The following TOX3 variants were observed in gnomAD, a reference collection of about 807,000 sequenced individuals.
TOX3 encodes TOX high mobility group box family member 3.
In TOX3, 22 loss-of-function variants were observed where a neutral mutation model predicts 64.3. The ratio of observed to expected loss-of-function variants is 0.34; its 90% CI spans 0.24 to 0.49. TOX3 has a LOEUF of 0.49. TOX3 is among the 20% of genes least tolerant of loss of function. The pLI is 0.99. For synonymous variants in TOX3, 291 were observed against 273.6 expected, an observed-to-expected ratio of 1.06 and a Z score of -0.63; for missense variants, 661 against 714.4, an observed-to-expected ratio of 0.93 and a Z score of 0.85.
At chr16:52,477,724 A>G (rs1172108026) in intron 1 of TOX3, among the ~76,000 whole-genome samples, 2 of 152,184 alleles carry the variant, frequency 1.3e-5, no homozygotes, top group African/African-American at 4.8e-5. Context: ...TTTACTCTCC[A>G]TGTGTTTCAA....
intron 1 of TOX3, among the ~76,000 whole-genome samples, chr16:52,498,757 C>A (rs956936755): frequency 6.6e-6 from 1 of 152,234 alleles, no homozygotes; most frequent in South Asian, 2.1e-4. Context: ...CAGGATAAAA[C>A]TGGTCCGTGC....
rs1555486746 is a variant in TOX3, at chr16:52,510,778, A to AG, written c.87+35858_87+35859insC. Among the ~76,000 whole-genome samples, 804 of 115,014 alleles carry AG rather than the reference A, an allele frequency of 7.0e-3. 3 individuals carry two copies. Among genetic ancestry groups the AG allele is most frequent in the Middle Eastern group, 0.011 (2 of 180 alleles). 75.5% of individuals were successfully genotyped at this position (115,014 alleles called of 152,430 possible). ...CTGTCTCAAAAAAAAAAAAAAAAAA[A>AG]AAGAAGAAGAAGAAGAAGAAAAAGA... On this transcript the variant is annotated intron_variant, in intron 1 of 6. Transcript: ENST00000219746.
intron 1 of TOX3, among the ~76,000 whole-genome samples, chr16:52,516,072 A>G (rs182931209): frequency 1.8e-4 from 27 of 152,278 alleles, no homozygotes; most frequent in Admixed American, 6.5e-4. Context: ...CATATTACAG[A>G]ACTGAAGGAA....
At chr16:52,483,928 C>G (rs565493226) in intron 1 of TOX3, among the ~76,000 whole-genome samples, 1 of 152,014 alleles carries the variant, frequency 6.6e-6, no homozygotes, top group African/African-American at 2.4e-5. Context: ...AGTGGTAGAA[C>G]CTGAAGTTAG....
At chr16:52,500,060 A>G (rs189961932) in intron 1 of TOX3, among the ~76,000 whole-genome samples, 5 of 152,346 alleles carry the variant, frequency 3.3e-5, no homozygotes, top group Admixed American at 3.3e-4. Context: ...CTGCAGAGAC[A>G]GGGAGCTCTG....
intron 1 of TOX3, among the ~76,000 whole-genome samples, chr16:52,544,300 A>G (rs1368319075): frequency 6.6e-6 from 1 of 152,254 alleles, no homozygotes; most frequent in Non-Finnish European, 1.5e-5. Flanking sequence ...TTGCTGCTTT[A>G]TACCCATAAA....
chr16:52,489,043 A>T (rs1321910413), intron 1 of TOX3, among the ~76,000 whole-genome samples: 2 of 152,182 alleles, frequency 1.3e-5, no homozygotes, highest in African/African-American at 4.8e-5. Context: ...TTCTTTTGCA[A>T]CTATCACCCC....
chr16:52,448,710 G>A (rs1189596510), intron 4 of TOX3, among the ~76,000 whole-genome samples: 1 of 152,122 alleles, frequency 6.6e-6, no homozygotes, highest in Non-Finnish European at 1.5e-5. Flanking sequence ...CTTAGAAATA[G>A]ATGATGCTCA....
At position 52,464,080 on chromosome 16, in the gene TOX3, AG is replaced by A. The variant is rs1555481622; in HGVS notation, c.261del (p.Gln89LysfsTer64). ...GGCAATGGATCGCTGAGGGCTTGAA[AG>A]GGTAGCAGTACATCCGGCATGCCTA... Reference protein sequence around the residue: ...PALGMPDVLLPFQALSDPLPS... With the variant: ...PALGMPDVLLXFQALSDPLPS... On this transcript the variant is annotated frameshift_variant, in exon 3 of 7. Coordinates refer to ENST00000219746, the MANE Select transcript of TOX3 (RefSeq NM_001080430.4). LOFTEE classifies it high-confidence loss of function. 1 of 1,604,932 alleles carries A rather than the reference AG, an allele frequency of 6.2e-7. No homozygotes were observed. The highest frequency in any genetic ancestry group is 8.5e-7 in the Non-Finnish European group (1 of 1,176,090).
In TOX3 at chr16:52,546,831, G is replaced by T; in HGVS notation, c.-108C>A. 8.0e-7 allele frequency: 1 copy of T among 1,256,810 alleles called. No individual in the cohort carries two copies. The highest frequency in any genetic ancestry group is 1.0e-6 in the Non-Finnish European group (1 of 1,001,318). 77.9% of individuals were successfully genotyped at this position (1,256,810 alleles called of 1,614,324 possible). A position where few individuals can be genotyped will look rare whatever the true frequency, so the allele number is the denominator to read the frequency against. On this transcript the variant is annotated 5_prime_UTR_variant, in exon 1 of 7. Coordinates refer to ENST00000219746, the MANE Select transcript of TOX3 (RefSeq NM_001080430.4). ...CGTCGAGGGCGCCCGGGGGTGGCGC[G>T]TGGGACTCGCGGCCGGAGGGGCGCC... is the stretch of plus-strand genomic sequence containing the variant.
intron 1 of TOX3, among the ~76,000 whole-genome samples, chr16:52,543,943 T>G (rs1223354875): frequency 6.6e-6 from 1 of 152,188 alleles, no homozygotes; most frequent in Non-Finnish European, 1.5e-5. Flanking sequence ...AACCCTATTA[T>G]TCACGGTTTG....
In TOX3 at chr16:52,546,924, C is replaced by G; in HGVS notation, c.-201G>C. ...CACAAAGGCGCGGCCACGCGAGCCG[C>G]GGGAGAGCGGGAGGCGGCCGGGGGG... On this transcript the variant is annotated 5_prime_UTR_variant, in exon 1 of 7. Coordinates refer to ENST00000219746, the MANE Select transcript of TOX3 (RefSeq NM_001080430.4). 1 of 1,040,904 alleles carries G rather than the reference C, an allele frequency of 9.6e-7. No homozygotes were observed. The highest frequency in any genetic ancestry group is 1.2e-6 in the Non-Finnish European group (1 of 867,314). 64.5% of individuals were successfully genotyped at this position (1,040,904 alleles called of 1,614,324 possible).
chr16:52,515,281 T>C (rs949680346), intron 1 of TOX3, among the ~76,000 whole-genome samples: 1 of 152,036 alleles, frequency 6.6e-6, no homozygotes, highest in Non-Finnish European at 1.5e-5. Context: ...GAATAACTGT[T>C]TGGCCAGATA....
At chr16:52,523,092 G>A in intron 1 of TOX3, among the ~76,000 whole-genome samples, 1 of 152,214 alleles carries the variant, frequency 6.6e-6, no homozygotes, top group East Asian at 1.9e-4. Flanking sequence ...AAGCAAGGCA[G>A]GAGGACGGAG....
intron 1 of TOX3, among the ~76,000 whole-genome samples, chr16:52,511,987 C>T (rs929561928): frequency 4.6e-5 from 7 of 152,162 alleles, no homozygotes; most frequent in Non-Finnish European, 8.8e-5. Flanking sequence ...TCAGAAATTC[C>T]ACGTTCAAGC....
intron 1 of TOX3, among the ~76,000 whole-genome samples, chr16:52,540,790 G>C (rs1479901705): frequency 6.6e-6 from 1 of 152,138 alleles, no homozygotes; most frequent in African/African-American, 2.4e-5. Context: ...CAGCCAACTT[G>C]TAGCCATGGG....
At chr16:52,522,508 A>G (rs1264505851) in intron 1 of TOX3, among the ~76,000 whole-genome samples, 1 of 152,210 alleles carries the variant, frequency 6.6e-6, no homozygotes, top group East Asian at 1.9e-4. Context: ...GTCTCACACA[A>G]ATGGGCAGTT....
rs1567310396 is a variant in TOX3, at chr16:52,446,093, T to C, written c.807A>G (p.Thr269=). 1 of 1,613,990 alleles carries C rather than the reference T, an allele frequency of 6.2e-7. No individual in the cohort carries two copies. The highest frequency in any genetic ancestry group is 8.5e-7 in the Non-Finnish European group (1 of 1,179,856). The part of the protein sequence containing the change: ...VSAYALFFRD[T]QAAIKGQNPN... Reference sequence around the variant, plus strand: ...GGTTTTGACCTTTAATTGCAGCCTGTGTGTCTCTGAAAAACAGGGCATATG... The same window carrying C: ...GGTTTTGACCTTTAATTGCAGCCTGCGTGTCTCTGAAAAACAGGGCATATG... Residue 269 remains threonine, a synonymous_variant, in exon 5 of 7, where the codon ACA becomes ACG. Coordinates refer to ENST00000219746, the MANE Select transcript of TOX3 (RefSeq NM_001080430.4).
At chr16:52,501,634 T>C (rs141338244) in intron 1 of TOX3, among the ~76,000 whole-genome samples, 458 of 150,332 alleles carry the variant, frequency 3.0e-3, no homozygotes, top group African/African-American at 0.011. Flanking sequence ...CACTCCAGCC[T>C]GGGTGACAAA....
Sources: allele counts gnomAD v4.1 joint callset (sites outside exome capture counted in the v4.1 genomes callset), GRCh38; gene constraint gnomAD v4.1.1; transcripts MANE v1.5; gene names NCBI Gene and HGNC (gene_info 2026-07-23, HGNC 2026-07-21).